ADAMTS20: variants seen among roughly 807,000 people sequenced by gnomAD.
ADAMTS20 encodes A disintegrin and metalloproteinase with thrombospondin motifs 20.
Under a neutral mutation model 260.1 loss-of-function variants are expected in ADAMTS20, and 225 were observed. The ratio of observed to expected loss-of-function variants is 0.87; its 90% CI spans 0.78 to 0.97. The LOEUF is 0.97. Ranked by LOEUF, ADAMTS20 falls within the 50% of genes least tolerant of loss-of-function variation. The pLI is 0.00. For synonymous variants in ADAMTS20, 802 were observed against 769.5 expected (o/e 1.04, Z -0.70); for missense variants, 2,400 against 2,337.7 (o/e 1.03, Z -0.55).
At chr12:43,482,745 C>CA (rs1942460936) in intron 7 of ADAMTS20, among the ~76,000 whole-genome samples, 1 of 152,150 alleles carries the variant, frequency 6.6e-6, no homozygotes, top group Admixed American at 6.5e-5. Context: ...TGGCTCCACC[C>CA]ATTGCCTGAG....
intron 11 of ADAMTS20, among the ~76,000 whole-genome samples, chr12:43,456,331 A>C (rs1941963539): frequency 6.6e-6 from 1 of 152,202 alleles, no homozygotes; most frequent in Non-Finnish European, 1.5e-5. Flanking sequence ...ATACAAACAC[A>C]GCTGTTATTT....
chr12:43,373,670 C>CT (rs71091149), intron 36 of ADAMTS20, among the ~76,000 whole-genome samples: 744 of 71,334 alleles, frequency 0.01, 84 homozygotes, highest in African/African-American at 0.015. Context: ...AATATCATCT[C>CT]TTTTTTTTTT....
At position 43,425,483 on chromosome 12, in the gene ADAMTS20, G is replaced by A. The variant is rs747410055; in HGVS notation, c.4284+31C>T. 4 of 1,432,328 alleles carry A rather than the reference G, an allele frequency of 2.8e-6. No homozygotes were observed. The South Asian group carries it at 4.9e-5, about 18-fold the overall frequency. 88.7% of individuals were successfully genotyped at this position (1,432,328 alleles called of 1,614,324 possible). On this transcript the variant is annotated intron_variant, in intron 28 of 38. Coordinates refer to ENST00000389420, the MANE Select transcript of ADAMTS20 (RefSeq NM_025003.5). ...CACTCAGACTCAAACTTTAAAGTAT[G>A]ACATGTTAACAGACAAGAGTGCTAT...
chr12:43,376,883 A>C (rs1940242586), intron 32 of ADAMTS20, among the ~76,000 whole-genome samples: 1 of 152,190 alleles, frequency 6.6e-6, no homozygotes, highest in South Asian at 2.1e-4. Flanking sequence ...CTTTTAATTC[A>C]TTTTGTGCAG....
chr12:43,440,522 AC>A (rs1247424102), intron 16 of ADAMTS20, among the ~76,000 whole-genome samples: 3 of 152,204 alleles, frequency 2.0e-5, no homozygotes, highest in African/African-American at 7.2e-5. Flanking sequence ...GAGGAAATAA[AC>A]TTTATTTTAC....
chr12:43,494,349 G>T (rs1942647546), intron 4 of ADAMTS20, among the ~76,000 whole-genome samples: 1 of 152,182 alleles, frequency 6.6e-6, no homozygotes, highest in South Asian at 2.1e-4. Flanking sequence ...CACTACCGGA[G>T]CCCTCACTCT....
chr12:43,402,750 C>T (rs898408962), intron 28 of ADAMTS20, among the ~76,000 whole-genome samples: 1 of 152,056 alleles, frequency 6.6e-6, no homozygotes, highest in Non-Finnish European at 1.5e-5. Flanking sequence ...AACTCTGACA[C>T]CATCATAGTC....
intron 29 of ADAMTS20, among the ~76,000 whole-genome samples, chr12:43,390,952 C>T (rs1423254340): frequency 2.0e-5 from 3 of 152,138 alleles, no homozygotes. Flanking sequence ...TATAGCAGCA[C>T]CTCATTATCA....
At chr12:43,383,106 A>AG (rs1487558617) in intron 31 of ADAMTS20, among the ~76,000 whole-genome samples, 1 of 152,056 alleles carries the variant, frequency 6.6e-6, no homozygotes, top group South Asian at 2.1e-4. Flanking sequence ...GGGAAAAGAG[A>AG]GGGGGGAAAG....
intron 37 of ADAMTS20, among the ~76,000 whole-genome samples, chr12:43,359,547 T>G (rs1005780947): frequency 2.0e-5 from 3 of 152,212 alleles, no homozygotes; most frequent in African/African-American, 7.2e-5. Flanking sequence ...ATAGTCGTAA[T>G]AAGCTTACAA....
At position 43,468,643 on chromosome 12, in the gene ADAMTS20, C is replaced by A. The variant is rs767138059; in HGVS notation, c.1180G>T (p.Gly394Ter). 7 of 1,611,168 alleles carry A rather than the reference C, an allele frequency of 4.3e-6. No homozygotes were observed. The highest frequency in any genetic ancestry group is 5.9e-6 in the Non-Finnish European group (7 of 1,178,722). ...GCTATAGTAAAAGCAGAAATGAGTC[C>A]TTTTTCTTCATTAATAAAGCAGCTT... ...LQSCFINEEK[G>*]LISAFTIAHE... The change falls in exon 8 of 39, where the codon GGA (glycine) becomes TGA (stop). Residue 394 changes from glycine to a stop codon, truncating the protein, a stop_gained. Coordinates refer to ENST00000389420, the MANE Select transcript of ADAMTS20 (RefSeq NM_025003.5). LOFTEE classifies it high-confidence loss of function.
chr12:43,362,758 C>T (rs1414536868), intron 37 of ADAMTS20, among the ~76,000 whole-genome samples: 1 of 151,022 alleles, frequency 6.6e-6, no homozygotes, highest in Non-Finnish European at 1.5e-5. Context: ...ACCACACCAA[C>T]ATGGCACATG....
At chr12:43,424,763 A>T (rs1941298519) in intron 28 of ADAMTS20, among the ~76,000 whole-genome samples, 1 of 152,032 alleles carries the variant, frequency 6.6e-6, no homozygotes, top group African/African-American at 2.4e-5. Context: ...GCCAAACATA[A>T]AACGGAGAAA....
chr12:43,438,679 T>G (rs1941602526), intron 18 of ADAMTS20, among the ~76,000 whole-genome samples: 1 of 152,176 alleles, frequency 6.6e-6, no homozygotes, highest in Non-Finnish European at 1.5e-5. Context: ...CACCGCCTCT[T>G]GCTGCCCACT....
rs1334226729 is a variant in ADAMTS20 at position 43,432,441 on chromosome 12, T to C, written c.2959A>G (p.Arg987Gly). 2 of 1,613,148 alleles carry C rather than the reference T, an allele frequency of 1.2e-6. No homozygotes were observed. Among genetic ancestry groups the C allele is most frequent in the Non-Finnish European group, 1.7e-6 (2 of 1,179,784 alleles). ...QCSRSCGGGERSRESYCMNNF... is the reference protein window; with the variant it reads ...QCSRSCGGGEGSRESYCMNNF... ...TTCATACAATAAGATTCTCGAGACC[T>C]TTCCCCTCCTCCACAACTCCTGGAA... The change falls in exon 21 of 39, where the codon AGG becomes GGG. Residue 987 changes from arginine (R) to glycine (G), a missense_variant. Transcript: ENST00000389420.
intron 36 of ADAMTS20, 75 bp downstream of exon 36, chr12:43,375,304 A>T (rs535700612): frequency 6.6e-7 from 1 of 1,506,770 alleles, no homozygotes; most frequent in African/African-American, 1.4e-5. Context: ...TGGCTACAAC[A>T]TATACCAACA....
At chr12:43,385,116 C>A (rs954966491) in intron 29 of ADAMTS20, among the ~76,000 whole-genome samples, 5 of 152,180 alleles carry the variant, frequency 3.3e-5, no homozygotes, top group Admixed American at 3.3e-4. Context: ...TCTCCAGCAT[C>A]TGTTGTTTCC....
At chr12:43,422,291 A>G (rs1005386224) in intron 28 of ADAMTS20, among the ~76,000 whole-genome samples, 12 of 152,014 alleles carry the variant, frequency 7.9e-5, no homozygotes, top group African/African-American at 2.7e-4. Flanking sequence ...TCACTCACTC[A>G]TACACACACA....
chr12:43,526,199 G>A (rs887558930), intron 3 of ADAMTS20, among the ~76,000 whole-genome samples: 1 of 152,224 alleles, frequency 6.6e-6, no homozygotes, highest in South Asian at 2.1e-4. Flanking sequence ...GCTCACGCCT[G>A]TAATCCAGCA....
Sources: gnomAD v4.1 joint callset for allele counts (sites outside exome capture counted in the v4.1 genomes callset) on GRCh38, gnomAD v4.1.1 for gene constraint, MANE v1.5 for transcripts, NCBI Gene and HGNC (gene_info 2026-07-23, HGNC 2026-07-21) for gene names.